The following CACNB2 variants were observed in gnomAD, a reference collection of about 807,000 sequenced individuals.
CACNB2 encodes the protein calcium voltage-gated channel auxiliary subunit beta 2, also known as voltage-dependent L-type calcium channel subunit beta-2.
A neutral mutation model predicts 73.3 loss-of-function variants in CACNB2; 42 were observed. The observed-to-expected ratio is 0.57, with a 90% CI of 0.45 to 0.74. CACNB2 has a LOEUF of 0.74. CACNB2 is among the 30% of genes least tolerant of loss of function. The pLI, the probability that CACNB2 is intolerant of heterozygous loss-of-function variation, is 0.00. For missense variants in CACNB2, 940 were observed against 853.0 expected, an observed-to-expected ratio of 1.10 and a Z score of -1.27; for synonymous variants, 348 against 310.3, an observed-to-expected ratio of 1.12 and a Z score of -1.28.
At chr10:18,364,900 A>C (rs2042288422) in intron 2 of CACNB2, among the ~76,000 whole-genome samples, 1 of 152,220 alleles carries the variant, frequency 6.6e-6, no homozygotes, top group African/African-American at 2.4e-5. Flanking sequence ...TCGGAGATTA[A>C]AGAATTATCA....
At chr10:18,415,623 C>A (rs866665288) in intron 3 of CACNB2, among the ~76,000 whole-genome samples, 1 of 152,168 alleles carries the variant, frequency 6.6e-6, no homozygotes, top group African/African-American at 2.4e-5. Context: ...CCTCTGGAGG[C>A]AGAGCCTACG....
chr10:18,342,826 A>T (rs756978680), intron 2 of CACNB2, among the ~76,000 whole-genome samples: 36 of 152,066 alleles, frequency 2.4e-4, no homozygotes, highest in Non-Finnish European at 3.8e-4. Flanking sequence ...TAAATTATAC[A>T]TATGTATATT....
At chr10:18,406,901 A>G (rs2132582818) in intron 3 of CACNB2, among the ~76,000 whole-genome samples, 1 of 152,222 alleles carries the variant, frequency 6.6e-6, no homozygotes, top group Admixed American at 6.5e-5. Context: ...CAGGCCCTGG[A>G]ATACAGTGTA....
At chr10:18,499,778 C>T (rs1332457951) in intron 4 of CACNB2, among the ~76,000 whole-genome samples, 1 of 107,528 alleles carries the variant, frequency 9.3e-6, no homozygotes, top group Non-Finnish European at 2.0e-5. Context: ...GGAGACCAGC[C>T]TGGGCAACAG....
intron 2 of CACNB2, among the ~76,000 whole-genome samples, chr10:18,361,129 T>G (rs938855456): frequency 3.9e-5 from 6 of 152,088 alleles, no homozygotes; most frequent in Non-Finnish European, 5.9e-5. Context: ...CTTTATTCTT[T>G]TATCTGCTTG....
intron 2 of CACNB2, among the ~76,000 whole-genome samples, chr10:18,360,676 G>A (rs1159545317): frequency 2.0e-5 from 3 of 152,222 alleles, no homozygotes; most frequent in Non-Finnish European, 4.4e-5. Context: ...ACGGGGCTAA[G>A]ATATGGTGGC....
At chr10:18,309,228 T>TAC (rs1564424341) in intron 2 of CACNB2, among the ~76,000 whole-genome samples, 4 of 152,196 alleles carry the variant, frequency 2.6e-5, no homozygotes. Context: ...CTTGTATTTA[T>TAC]GACGGGAGAA....
intron 2 of CACNB2, among the ~76,000 whole-genome samples, chr10:18,366,391 G>A (rs897853083): frequency 1.3e-5 from 2 of 151,720 alleles, no homozygotes; most frequent in Admixed American, 6.6e-5. Flanking sequence ...TACGAACCCG[G>A]GAGGCGGAGC....
At chr10:18,237,153 T>C (rs2036477141) in intron 2 of CACNB2, among the ~76,000 whole-genome samples, 1 of 152,084 alleles carries the variant, frequency 6.6e-6, no homozygotes, top group African/African-American at 2.4e-5. Context: ...ACTCTTGGGG[T>C]CTGGAGTAGG....
intron 2 of CACNB2, among the ~76,000 whole-genome samples, chr10:18,163,658 C>G (rs920854833): frequency 1.3e-5 from 2 of 152,148 alleles, no homozygotes; most frequent in Non-Finnish European, 2.9e-5. Flanking sequence ...GTTAGTGAAC[C>G]TACAGAAAGG....
At chr10:18,351,935 A>G (rs1018956412) in intron 2 of CACNB2, among the ~76,000 whole-genome samples, 1 of 152,200 alleles carries the variant, frequency 6.6e-6, no homozygotes, top group African/African-American at 2.4e-5. Flanking sequence ...ACACATATAT[A>G]GACATAGAGA....
chr10:18,480,844 T>C (rs1206225464), intron 3 of CACNB2, among the ~76,000 whole-genome samples: 1 of 152,210 alleles, frequency 6.6e-6, no homozygotes, highest in Non-Finnish European at 1.5e-5. Flanking sequence ...GTAAACACTT[T>C]TTCTAACCAC....
intron 10 of CACNB2, among the ~76,000 whole-genome samples, chr10:18,532,676 C>CA (rs1219587375): frequency 0.027 from 2,465 of 92,060 alleles, 99 homozygotes; most frequent in African/African-American, 0.037. Context: ...GACTCTGTCT[C>CA]AAAAAAAAAA....
At chr10:18,496,932 C>T (rs996117405) in intron 3 of CACNB2, among the ~76,000 whole-genome samples, 1 of 150,880 alleles carries the variant, frequency 6.6e-6, no homozygotes, top group African/African-American at 2.4e-5. Flanking sequence ...TAGAAGAGGC[C>T]AGGCATGGTG....
At chr10:18,330,525 G>A (rs1182731844) in intron 2 of CACNB2, among the ~76,000 whole-genome samples, 2 of 152,124 alleles carry the variant, frequency 1.3e-5, no homozygotes, top group Non-Finnish European at 2.9e-5. Context: ...GTGTGTTCCT[G>A]TGATCCCAGT....
At chr10:18,506,367 T>A in intron 5 of CACNB2, 104 bp from the exon 6 acceptor site, 1 of 728,136 alleles carries the variant, frequency 1.4e-6, no homozygotes, top group South Asian at 1.5e-5. Flanking sequence ...AAGATAAATT[T>A]AAAGTTGAAT....
intron 2 of CACNB2, among the ~76,000 whole-genome samples, chr10:18,207,462 C>T (rs974201648): frequency 1.3e-5 from 2 of 152,184 alleles, no homozygotes; most frequent in Non-Finnish European, 2.9e-5. Flanking sequence ...TCCATGGTTT[C>T]AGGCATCCAC....
At chr10:18,482,472 T>C (rs151020756) in intron 3 of CACNB2, among the ~76,000 whole-genome samples, 71 of 152,282 alleles carry the variant, frequency 4.7e-4, no homozygotes, top group African/African-American at 1.6e-3. Flanking sequence ...AGACTGAAGA[T>C]GCCTTGAGCA....
Position 18,541,321 on chromosome 10 carries a change from A to T in CACNB2, c.*1597A>T, listed in dbSNP as rs1392810089. The T allele has an allele frequency of 6.6e-6, 1 of 152,644 alleles. No individual in the cohort carries two copies. The highest frequency in any genetic ancestry group is 1.9e-4 in the East Asian group (1 of 5,196). 9.5% of individuals were successfully genotyped at this position (152,644 alleles called of 1,614,324 possible). A position where few individuals can be genotyped will look rare whatever the true frequency, so the allele number is the denominator to read the frequency against. On this transcript the variant is annotated 3_prime_UTR_variant, in exon 14 of 14. Transcript: ENST00000324631. ...TGTTAAGAATATTATCCTACATAAG[A>T]CATGTACACAGAAGGGGAACCTTGA...
Sources: gnomAD v4.1 joint callset for allele counts (sites outside exome capture counted in the v4.1 genomes callset) on GRCh38, gnomAD v4.1.1 for gene constraint, MANE v1.5 for transcripts, NCBI Gene and HGNC (gene_info 2026-07-23, HGNC 2026-07-21) for gene names.